Variants in MYO1E observed in about 807,000 individuals in gnomAD.
MYO1E encodes unconventional myosin-Ie.
A neutral mutation model predicts 151.1 loss-of-function variants in MYO1E; 68 were observed. The observed-to-expected ratio is 0.45, with a 90% CI of 0.37 to 0.55. MYO1E has a LOEUF of 0.55. Ranked by LOEUF, MYO1E falls within the 20% of genes least tolerant of loss-of-function variation. The pLI is 0.00. For synonymous variants in MYO1E, 601 were observed against 501.7 expected (o/e 1.20, Z -2.64); for missense variants, 1,363 against 1,389.3 (o/e 0.98, Z 0.30).
intron 24 of MYO1E, among the ~76,000 whole-genome samples, chr15:59,158,611 G>A (rs1025192410): frequency 4.6e-5 from 7 of 152,206 alleles, no homozygotes; most frequent in Admixed American, 1.3e-4. Context: ...AAATGTTAGA[G>A]ACAGTGGTTC....
intron 1 of MYO1E, among the ~76,000 whole-genome samples, chr15:59,324,544 A>G (rs2080650357): frequency 6.6e-6 from 1 of 152,108 alleles, no homozygotes; most frequent in African/African-American, 2.4e-5. Flanking sequence ...AAAGGTAGAG[A>G]AGAAGCACAC....
At chr15:59,204,211 C>A (rs1231213371) in intron 15 of MYO1E, among the ~76,000 whole-genome samples, 1 of 152,226 alleles carries the variant, frequency 6.6e-6, no homozygotes, top group Admixed American at 6.5e-5. Context: ...AAAAGAAATG[C>A]AAAATCTCAG....
In MYO1E at chr15:59,135,209, T is replaced by C. The variant is rs2079365281; in HGVS notation, c.*2171A>G. On this transcript the variant is annotated 3_prime_UTR_variant, in exon 28 of 28. Transcript: ENST00000288235. The stretch of plus-strand genomic sequence containing the variant: ...GGGCTTGGTCTGTGATTTCCATGGA[T>C]GAGGGTGTTACTCGTGGGGGTTTAA... 1 of 152,224 alleles carries C rather than the reference T, an allele frequency of 6.6e-6. No individual in the cohort carries two copies. Among genetic ancestry groups the C allele is most frequent in the African/African-American group, 2.4e-5 (1 of 41,452 alleles). The allele number at this position is 152,224 out of a possible 1,614,324, so 9.4% of individuals were successfully genotyped here.
chr15:59,259,767 T>TA (rs2080214694), intron 3 of MYO1E, among the ~76,000 whole-genome samples: 1 of 152,234 alleles, frequency 6.6e-6, no homozygotes, highest in Non-Finnish European at 1.5e-5. Flanking sequence ...TCTGTGGTCT[T>TA]ACTGAACCTC....
At chr15:59,228,953 CA>C (rs1566985937) in intron 6 of MYO1E, among the ~76,000 whole-genome samples, 1 of 152,114 alleles carries the variant, frequency 6.6e-6, no homozygotes, top group Non-Finnish European at 1.5e-5. Flanking sequence ...TTCCTCCAGG[CA>C]AAAAACAAAA....
chr15:59,170,307 G>A (rs1052464936), intron 22 of MYO1E, among the ~76,000 whole-genome samples: 1 of 152,180 alleles, frequency 6.6e-6, no homozygotes. Flanking sequence ...AGTCACTCTC[G>A]GCACAGCGAC....
chr15:59,158,390 C>T lies in MYO1E; in HGVS notation c.2786-11G>A, dbSNP rs2079520243. 1 of 1,547,262 alleles carries T rather than the reference C, an allele frequency of 6.5e-7. No homozygotes were observed. The highest frequency in any genetic ancestry group is 8.8e-7 in the Non-Finnish European group (1 of 1,141,964). On this transcript the variant is annotated splice_polypyrimidine_tract_variant and intron_variant, in intron 24 of 27. Transcript: ENST00000288235. ...TCCTTCTGGTAGGACCTGAAATAAA[C>T]AAGACAAAGTTAAAACCAGTGCTAC...
intron 1 of MYO1E, among the ~76,000 whole-genome samples, chr15:59,284,818 C>T (rs1439193656): frequency 6.6e-6 from 1 of 152,070 alleles, no homozygotes; most frequent in East Asian, 1.9e-4. Flanking sequence ...AATTAATCTT[C>T]ACCACATCAT....
intron 8 of MYO1E, among the ~76,000 whole-genome samples, chr15:59,223,696 A>C (rs1387655788): frequency 6.6e-6 from 1 of 152,238 alleles, no homozygotes; most frequent in African/African-American, 2.4e-5. Context: ...TTGTACTTGC[A>C]AAAGGATCTT....
At chr15:59,257,830 G>A (rs1302519301) in intron 3 of MYO1E, among the ~76,000 whole-genome samples, 1 of 152,188 alleles carries the variant, frequency 6.6e-6, no homozygotes, top group Non-Finnish European at 1.5e-5. Context: ...ATGGTTAGGA[G>A]TGGATACCTG....
intron 1 of MYO1E, among the ~76,000 whole-genome samples, chr15:59,359,445 C>T (rs1264201558): frequency 1.3e-5 from 2 of 151,452 alleles, no homozygotes; most frequent in East Asian, 3.9e-4. Flanking sequence ...GACAAGATCA[C>T]ACCACTGCAC....
chr15:59,233,525 A>T (rs1272873271), intron 5 of MYO1E, among the ~76,000 whole-genome samples: 3 of 151,998 alleles, frequency 2.0e-5, no homozygotes, highest in Non-Finnish European at 2.9e-5. Flanking sequence ...TTAGCTGGGC[A>T]TAGTGGTGCA....
chr15:59,157,360 T>C (rs2079514967), intron 25 of MYO1E, among the ~76,000 whole-genome samples: 1 of 152,220 alleles, frequency 6.6e-6, no homozygotes, highest in Non-Finnish European at 1.5e-5. Context: ...ATTTCTTCTA[T>C]TCAGTCATTA....
intron 4 of MYO1E, among the ~76,000 whole-genome samples, chr15:59,242,083 C>T (rs1264336012): frequency 4.6e-5 from 7 of 152,282 alleles, no homozygotes; most frequent in African/African-American, 1.7e-4. Flanking sequence ...GGGTTCTGGC[C>T]TGTGCCATTT....
intron 1 of MYO1E, among the ~76,000 whole-genome samples, chr15:59,308,100 G>GTA (rs1229779812): frequency 6.0e-5 from 9 of 151,100 alleles, no homozygotes; most frequent in Non-Finnish European, 1.2e-4. Flanking sequence ...GCATGCATCT[G>GTA]TAGTCCCAGC....
intron 26 of MYO1E, among the ~76,000 whole-genome samples, chr15:59,147,451 G>A (rs1327123180): frequency 3.3e-5 from 5 of 152,134 alleles, no homozygotes; most frequent in East Asian, 1.9e-4. Flanking sequence ...AATTAGCCAG[G>A]TGTGGTGGCT....
intron 24 of MYO1E, 78 bp downstream of exon 24, chr15:59,160,995 G>T: frequency 6.4e-7 from 1 of 1,566,120 alleles, no homozygotes; most frequent in Non-Finnish European, 8.8e-7. Context: ...CCACATCTGT[G>T]CACATGTTTG....
chr15:59,194,568 C>G (rs541772887), intron 17 of MYO1E, among the ~76,000 whole-genome samples: 1 of 152,270 alleles, frequency 6.6e-6, no homozygotes, highest in Non-Finnish European at 1.5e-5. Flanking sequence ...AAGAGCCTAC[C>G]TTCTTTTCTC....
At chr15:59,225,297 C>T (rs1302342066) in intron 7 of MYO1E, among the ~76,000 whole-genome samples, 14 of 152,160 alleles carry the variant, frequency 9.2e-5, no homozygotes, top group African/African-American at 3.1e-4. Context: ...GACATAACCA[C>T]TTGCATTCTA....
Sources: gnomAD v4.1 joint callset for allele counts (sites outside exome capture counted in the v4.1 genomes callset) on GRCh38, gnomAD v4.1.1 for gene constraint, MANE v1.5 for transcripts, NCBI Gene and HGNC (gene_info 2026-07-23, HGNC 2026-07-21) for gene names.